Variants in FARS2 observed in about 807,000 individuals in gnomAD.
The protein encoded by FARS2 is phenylalanine--tRNA ligase, mitochondrial.
A neutral mutation model predicts 46.4 loss-of-function variants in FARS2; 40 were observed. The ratio of observed to expected loss-of-function variants is 0.86; its 90% CI spans 0.67 to 1.12. FARS2 has a LOEUF of 1.12. Ranked by LOEUF, FARS2 falls within the 50% of genes most tolerant of loss-of-function variation. The pLI is 0.00. For missense variants in FARS2, 513 were observed against 567.9 expected (o/e 0.90, Z 0.98); for synonymous variants, 234 against 214.9 (o/e 1.09, Z -0.78).
intron 6 of FARS2, among the ~76,000 whole-genome samples, chr6:5,681,677 A>G (rs868077250): frequency 6.6e-6 from 1 of 152,234 alleles, no homozygotes; most frequent in Non-Finnish European, 1.5e-5. Context: ...TGGCTGATCC[A>G]TCTGCTGACA....
In FARS2 at chr6:5,546,400, A is replaced by G. The variant is rs189062212; in HGVS notation, c.1065+1060A>G. Among the ~76,000 whole-genome samples the G allele has an allele frequency of 7.0e-3, 1,059 of 151,114 alleles. 56 individuals are homozygous for G. Among genetic ancestry groups the G allele is most frequent in the Admixed American group, 0.061 (927 of 15,144 alleles). On this transcript the variant is annotated intron_variant, in intron 5 of 6. Coordinates refer to ENST00000274680, the MANE Select transcript of FARS2 (RefSeq NM_006567.5). ...TGAGCAGCTGGGATTACAGGCGCCC[A>G]CCACTACGCCCAGCTAATTTTGTGT...
At chr6:5,599,293 C>T (rs866371865) in intron 5 of FARS2, among the ~76,000 whole-genome samples, 18 of 152,048 alleles carry the variant, frequency 1.2e-4, no homozygotes, top group African/African-American at 1.4e-4. Context: ...CAAAACCATA[C>T]GTGAGTTCAC....
intron 6 of FARS2, among the ~76,000 whole-genome samples, chr6:5,634,901 A>G (rs935852804): frequency 2.0e-5 from 3 of 152,174 alleles, no homozygotes; most frequent in African/African-American, 7.2e-5. Flanking sequence ...GTTGTCTTGC[A>G]GTTGCTATAC....
intron 5 of FARS2, among the ~76,000 whole-genome samples, chr6:5,576,956 G>A (rs1422006990): frequency 6.6e-6 from 1 of 151,898 alleles, no homozygotes; most frequent in Non-Finnish European, 1.5e-5. Context: ...TTTCCTGAGG[G>A]TGTTGGAAAT....
upstream of FARS2, chr6:5,261,178 G>GGGGTCTTGGCGGAGACATTTGTGTTTC (rs1442103920): frequency 6.4e-6 from 1 of 156,552 alleles, no homozygotes; most frequent in African/African-American, 2.4e-5. Context: ...GGAACCGTCT[G>GGGGTCTTGGCGGAGACATTTGTGTTTC]GGGTCTTGGC....
chr6:5,366,994 G>T (rs939564956), intron 1 of FARS2, among the ~76,000 whole-genome samples: 15 of 152,184 alleles, frequency 9.9e-5, no homozygotes, highest in Non-Finnish European at 1.8e-4. Context: ...ACAAAATAAC[G>T]CCATAAGTGA....
At chr6:5,451,355 A>G (rs919863368) in intron 4 of FARS2, among the ~76,000 whole-genome samples, 2 of 152,188 alleles carry the variant, frequency 1.3e-5, no homozygotes, top group African/African-American at 4.8e-5. Flanking sequence ...ATGAACAAAC[A>G]TTGCATTACG....
chr6:5,696,463 G>A (rs899647706), intron 6 of FARS2, among the ~76,000 whole-genome samples: 7 of 152,062 alleles, frequency 4.6e-5, no homozygotes, highest in African/African-American at 1.7e-4. Flanking sequence ...TGGATCTCAT[G>A]TGTAGCCAGT....
At chr6:5,390,756 C>G (rs771871556) in intron 2 of FARS2, among the ~76,000 whole-genome samples, 3 of 152,252 alleles carry the variant, frequency 2.0e-5, no homozygotes, top group East Asian at 3.9e-4. Flanking sequence ...CCCGGGTGTC[C>G]TAATAGCTGC....
In FARS2 at chr6:5,545,209, T is replaced by C. The variant is rs773469497; in HGVS notation, c.934T>C (p.Phe312Leu). The part of the protein sequence containing the change: ...AGAQDRIGWA[F>L]GLGLERLAMI... ...TGCTCAAGACCGAATCGGCTGGGCTTTTGGCCTAGGATTAGAAAGGCTAGC... is the reference window on the plus strand; with the variant it reads ...TGCTCAAGACCGAATCGGCTGGGCTCTTGGCCTAGGATTAGAAAGGCTAGC... Residue 312 changes from phenylalanine (F) to leucine (L), a missense_variant, in exon 5 of 7, where the codon TTT becomes CTT. Physicochemically the swap from Phe to Leu is conservative, Grantham distance 22. Transcript: ENST00000274680. 8 of 1,614,004 alleles carry C rather than the reference T, an allele frequency of 5.0e-6. No individual in the cohort carries two copies. The highest frequency in any genetic ancestry group is 6.8e-6 in the Non-Finnish European group (8 of 1,179,890).
At position 5,277,452 on chromosome 6, in the gene FARS2, A is replaced by G. The variant is rs115285060; in HGVS notation, c.-22+15792A>G. 9.2e-3 allele frequency among the ~76,000 whole-genome samples: 1,405 copies of G among 152,278 alleles called. 21 individuals are homozygous for G. Among genetic ancestry groups the G allele is most frequent in the African/African-American group, 0.032 (1,318 of 41,556 alleles). ...GTGGTTGCAGATACATTTTTTTAATAGTTCCAATAATACACATTTTTTTTA... is the reference window on the plus strand; with the variant it reads ...GTGGTTGCAGATACATTTTTTTAATGGTTCCAATAATACACATTTTTTTTA... On this transcript the variant is annotated intron_variant, in intron 1 of 6. Coordinates refer to ENST00000274680, the MANE Select transcript of FARS2 (RefSeq NM_006567.5).
At position 5,286,564 on chromosome 6, in the gene FARS2, G is replaced by T. The variant is rs145068193; in HGVS notation, c.-22+24904G>T. 2.0e-3 allele frequency among the ~76,000 whole-genome samples: 310 copies of T among 152,106 alleles called. 2 individuals are homozygous for T. The highest frequency in any genetic ancestry group is 7.3e-3 in the African/African-American group (301 of 41,478). On this transcript the variant is annotated intron_variant, in intron 1 of 6. Coordinates refer to ENST00000274680, the MANE Select transcript of FARS2 (RefSeq NM_006567.5). ...GTGAGCCACTGTGCCTGACCAATCT[G>T]TACTTCTATTCAGAATATAAAGTGT... is the stretch of plus-strand genomic sequence containing the variant.
intron 4 of FARS2, among the ~76,000 whole-genome samples, chr6:5,487,731 G>T (rs1462418641): frequency 1.3e-5 from 2 of 152,126 alleles, no homozygotes; most frequent in African/African-American, 4.8e-5. Flanking sequence ...AATACTCAGG[G>T]CCTCCTCTGG....
chr6:5,684,290 C>T (rs1779186006), intron 6 of FARS2, among the ~76,000 whole-genome samples: 1 of 152,118 alleles, frequency 6.6e-6, no homozygotes. Context: ...GACACGTCCC[C>T]GGCCCCTCAC....
At chr6:5,692,623 T>A (rs1360105831) in intron 6 of FARS2, among the ~76,000 whole-genome samples, 1 of 152,242 alleles carries the variant, frequency 6.6e-6, no homozygotes, top group Non-Finnish European at 1.5e-5. Flanking sequence ...TACTGCTTAA[T>A]GGTTAAAAAT....
chr6:5,605,953 A>G (rs770747249), intron 5 of FARS2, among the ~76,000 whole-genome samples: 1 of 152,220 alleles, frequency 6.6e-6, no homozygotes, highest in Non-Finnish European at 1.5e-5. Flanking sequence ...CTCAGTTGAC[A>G]GGAGAATTAG....
intron 5 of FARS2, among the ~76,000 whole-genome samples, chr6:5,583,967 T>TA (rs2150586325): frequency 6.6e-6 from 1 of 152,332 alleles, no homozygotes; most frequent in South Asian, 2.1e-4. Flanking sequence ...ATGGCTTTTT[T>TA]ATCCAATTTG....
At position 5,471,478 on chromosome 6, in the gene FARS2, T is replaced by G. The variant is rs577413414; in HGVS notation, c.904+40306T>G. ...AACTCCAGGACTTTTAATTTCCTCT[T>G]GAATAATTCCTTTAATGAAGGACAT... On this transcript the variant is annotated intron_variant, in intron 4 of 6. Coordinates refer to ENST00000274680, the MANE Select transcript of FARS2 (RefSeq NM_006567.5). This position sits in a 1 kb window ranked among gnomAD's most constrained non-coding sequence, Gnocchi z 4.1. 6.6e-6 allele frequency among the ~76,000 whole-genome samples: 1 copy of G among 152,352 alleles called. No individual in the cohort carries two copies. Among genetic ancestry groups the G allele is most frequent in the African/African-American group, 2.4e-5 (1 of 41,580 alleles).
chr6:5,669,692 C>T (rs766174088), intron 6 of FARS2, among the ~76,000 whole-genome samples: 14 of 152,148 alleles, frequency 9.2e-5, no homozygotes, highest in Non-Finnish European at 2.9e-5. Context: ...AAATCCTGCC[C>T]TGCTAGTCAT....
Sources: gnomAD v4.1 joint callset for allele counts (sites outside exome capture counted in the v4.1 genomes callset) on GRCh38, gnomAD v4.1.1 for gene constraint, Gnocchi (gnomAD v3.1) non-coding constraint, MANE v1.5 for transcripts, NCBI Gene and HGNC (gene_info 2026-07-23, HGNC 2026-07-21) for gene names.